The following CACNA2D3 variants were observed in gnomAD, a reference collection of about 807,000 sequenced individuals.
CACNA2D3 encodes the protein voltage-dependent calcium channel subunit alpha-2/delta-3.
CACNA2D3 carries 60 observed loss-of-function variants against 160.6 expected under a neutral mutation model. The observed-to-expected ratio is 0.37, with a 90% CI of 0.30 to 0.46. The LOEUF (loss-of-function observed/expected upper bound fraction) is 0.46, where lower values mean the gene tolerates loss of function less well. CACNA2D3 is among the 20% of genes least tolerant of loss of function. The pLI, the probability that CACNA2D3 is intolerant of heterozygous loss-of-function variation, is 1.00. For missense variants in CACNA2D3, 1,205 were observed against 1,365.0 expected (o/e 0.88, Z 1.85); for synonymous variants, 558 against 492.9 (o/e 1.13, Z -1.75).
At chr3:54,429,215 A>T (rs1357122719) in intron 4 of CACNA2D3, among the ~76,000 whole-genome samples, 1 of 152,162 alleles carries the variant, frequency 6.6e-6, no homozygotes. Context: ...ATGGGATAGG[A>T]TCCTCAAATT....
In CACNA2D3 at chr3:54,885,479, A is replaced by G; in HGVS notation, c.1959-10A>G. 6.2e-7 allele frequency: 1 copy of G among 1,612,170 alleles called. No individual in the cohort carries two copies. Among genetic ancestry groups the G allele is most frequent in the Non-Finnish European group, 8.5e-7 (1 of 1,178,490 alleles). ...ACATGCTCTTGTTTTGGGCCATGTC[A>G]TGTTCTTAGGTCCTACTGCAACACT... is the stretch of plus-strand genomic sequence containing the variant. On this transcript the variant is annotated splice_polypyrimidine_tract_variant and intron_variant, in intron 22 of 37. Coordinates refer to ENST00000474759, the MANE Select transcript of CACNA2D3 (RefSeq NM_018398.3).
intron 35 of CACNA2D3, among the ~76,000 whole-genome samples, chr3:55,049,666 T>C (rs1337669544): frequency 1.4e-5 from 2 of 147,098 alleles, no homozygotes; most frequent in African/African-American, 5.2e-5. Context: ...CTTGTTGACT[T>C]TCTGTCTCGT....
chr3:55,012,413 T>C (rs1355536127), intron 34 of CACNA2D3, among the ~76,000 whole-genome samples: 2 of 152,066 alleles, frequency 1.3e-5, no homozygotes, highest in Non-Finnish European at 2.9e-5. Flanking sequence ...TCTTCATACC[T>C]AGTGAAGACG....
intron 14 of CACNA2D3, among the ~76,000 whole-genome samples, chr3:54,823,310 ATATACTATTTTTCCTGATTAT>A (rs1213476885): frequency 2.0e-5 from 3 of 152,158 alleles, no homozygotes; most frequent in African/African-American, 7.2e-5. Flanking sequence ...TTTATGCTTT[ATATACTATTTTTCCTGATTAT>A]TCAGGAAAAA....
chr3:54,258,196 G>C (rs1030281777), intron 2 of CACNA2D3, among the ~76,000 whole-genome samples: 1 of 152,072 alleles, frequency 6.6e-6, no homozygotes, highest in Admixed American at 6.5e-5. Context: ...AATACTTTTT[G>C]TTTTAATATT....
At chr3:54,902,263 A>G (rs183462097) in intron 27 of CACNA2D3, among the ~76,000 whole-genome samples, 4 of 152,264 alleles carry the variant, frequency 2.6e-5, no homozygotes, top group East Asian at 1.9e-4. Flanking sequence ...TTCATTGGCT[A>G]TATATGTCTG....
At chr3:54,703,479 C>G (rs910314568) in intron 11 of CACNA2D3, among the ~76,000 whole-genome samples, 1 of 151,990 alleles carries the variant, frequency 6.6e-6, no homozygotes, top group Non-Finnish European at 1.5e-5. Context: ...GGAATGGTGG[C>G]CACCTTTTGT....
At chr3:54,807,572 T>A (rs1441760311) in intron 13 of CACNA2D3, among the ~76,000 whole-genome samples, 1 of 151,864 alleles carries the variant, frequency 6.6e-6, no homozygotes, top group Non-Finnish European at 1.5e-5. Context: ...CTGGAGAGGA[T>A]GTGGAGAAAT....
At chr3:54,841,800 C>A (rs1017150537) in intron 16 of CACNA2D3, among the ~76,000 whole-genome samples, 2 of 152,222 alleles carry the variant, frequency 1.3e-5, no homozygotes, top group Non-Finnish European at 2.9e-5. Flanking sequence ...TAATTGGGTT[C>A]ACTTCATTAG....
At chr3:54,610,506 A>G (rs1698730588) in intron 9 of CACNA2D3, among the ~76,000 whole-genome samples, 2 of 151,416 alleles carry the variant, frequency 1.3e-5, no homozygotes, top group African/African-American at 4.9e-5. Context: ...GAGCTGGGTG[A>G]TGGGTGTTAA....
At chr3:54,138,439 G>C (rs1187362821) in intron 2 of CACNA2D3, among the ~76,000 whole-genome samples, 1 of 152,202 alleles carries the variant, frequency 6.6e-6, no homozygotes, top group Non-Finnish European at 1.5e-5. Flanking sequence ...CTAGCACCTA[G>C]AGAACCTGCA....
At chr3:55,030,274 G>T (rs1477284504) in intron 35 of CACNA2D3, among the ~76,000 whole-genome samples, 1 of 152,118 alleles carries the variant, frequency 6.6e-6, no homozygotes, top group African/African-American at 2.4e-5. Context: ...AGTAACTTCT[G>T]CATCATAAAA....
chr3:54,414,585 G>A (rs983036969), intron 4 of CACNA2D3, among the ~76,000 whole-genome samples: 2 of 151,990 alleles, frequency 1.3e-5, no homozygotes, highest in Non-Finnish European at 2.9e-5. Context: ...AGAAACTCTG[G>A]TCTTTTTATT....
chr3:54,695,174 T>A (rs1399729389), intron 11 of CACNA2D3, among the ~76,000 whole-genome samples: 1 of 152,068 alleles, frequency 6.6e-6, no homozygotes, highest in Non-Finnish European at 1.5e-5. Context: ...CCCACCACCA[T>A]GCGCAGCTAA....
At chr3:55,032,290 T>C (rs1703703782) in intron 35 of CACNA2D3, among the ~76,000 whole-genome samples, 1 of 152,202 alleles carries the variant, frequency 6.6e-6, no homozygotes, top group African/African-American at 2.4e-5. Flanking sequence ...ACTAGTCATC[T>C]GTGTAGCCAC....
At chr3:54,688,977 C>G in intron 11 of CACNA2D3, among the ~76,000 whole-genome samples, 2 of 32,816 alleles carry the variant, frequency 6.1e-5, no homozygotes, top group African/African-American at 1.4e-4. Context: ...GTGAGACTGT[C>G]TCAAAAAAAA....
At chr3:54,459,027 GT>G (rs1700450829) in intron 4 of CACNA2D3, among the ~76,000 whole-genome samples, 1 of 151,964 alleles carries the variant, frequency 6.6e-6, no homozygotes, top group South Asian at 2.1e-4. Context: ...GCGGTGTTTG[GT>G]TTTTCGTCCT....
intron 17 of CACNA2D3, among the ~76,000 whole-genome samples, chr3:54,852,985 C>T (rs919019873): frequency 1.4e-5 from 2 of 141,042 alleles, no homozygotes; most frequent in Admixed American, 6.9e-5. Flanking sequence ...AATTCCGCAA[C>T]TGAGGAAATA....
intron 29 of CACNA2D3, among the ~76,000 whole-genome samples, chr3:54,977,962 A>AAT (rs1376862149): frequency 1.3e-5 from 2 of 152,160 alleles, no homozygotes; most frequent in African/African-American, 4.8e-5. Flanking sequence ...TGGATTATTC[A>AAT]TGCCTCTCCT....
Sources: gnomAD v4.1 joint callset for allele counts (sites outside exome capture counted in the v4.1 genomes callset) on GRCh38, gnomAD v4.1.1 for gene constraint, MANE v1.5 for transcripts, NCBI Gene and HGNC (gene_info 2026-07-23, HGNC 2026-07-21) for gene names.